The following MDFIC2 variants were observed in gnomAD, a reference collection of about 807,000 sequenced individuals.
MDFIC2 encodes the protein myoD family inhibitor domain-containing protein 2.
At chr3:70,310,684 T>C (rs1702446344) in intron 2 of MDFIC2, among the ~76,000 whole-genome samples, 2 of 152,066 alleles carry the variant, frequency 1.3e-5, no homozygotes, top group Admixed American at 1.3e-4. Context: ...ATTTTTAAAT[T>C]AGGGTTGGGG....
intron 2 of MDFIC2, among the ~76,000 whole-genome samples, chr3:70,235,377 C>G (rs12494365): frequency 0.027 from 4,092 of 152,280 alleles, 72 homozygotes; most frequent in Middle Eastern, 0.065. Context: ...TTTCATCACC[C>G]ACTCACTCCT....
intron 3 of MDFIC2, among the ~76,000 whole-genome samples, chr3:70,199,866 T>C (rs1285598748): frequency 1.3e-5 from 2 of 152,208 alleles, no homozygotes; most frequent in African/African-American, 2.4e-5. Flanking sequence ...ATATATGCTA[T>C]TGCCTGCTGC....
intron 2 of MDFIC2, among the ~76,000 whole-genome samples, chr3:70,234,207 T>C (rs1372792564): frequency 6.6e-6 from 1 of 152,214 alleles, no homozygotes; most frequent in Non-Finnish European, 1.5e-5. Flanking sequence ...TTTTCAAGTA[T>C]TCTAGACACT....
intron 2 of MDFIC2, among the ~76,000 whole-genome samples, chr3:70,237,201 C>G (rs1166344292): frequency 6.6e-6 from 1 of 152,140 alleles, no homozygotes; most frequent in Non-Finnish European, 1.5e-5. Context: ...CTATATTTTT[C>G]CCTTTGTTAG....
chr3:70,254,199 T>C (rs1389902040), intron 2 of MDFIC2, among the ~76,000 whole-genome samples: 1 of 152,152 alleles, frequency 6.6e-6, no homozygotes, highest in African/African-American at 2.4e-5. Context: ...TTAGTGTCAA[T>C]TGCATGATTT....
rs533419032 is a variant in MDFIC2 at position 70,309,767 on chromosome 3, C to A, written c.88+2119G>T. ...TGTCATCTAGCATCTGGCTCAATTTCCTTTTATGAAATATAGTAAACATAA... is the reference window on the plus strand; with the variant it reads ...TGTCATCTAGCATCTGGCTCAATTTACTTTTATGAAATATAGTAAACATAA... On this transcript the variant is annotated intron_variant, in intron 2 of 3. Transcript: ENST00000567252. Among the ~76,000 whole-genome samples the A allele has an allele frequency of 2.0e-5, 3 of 152,220 alleles. No homozygotes were observed. The South Asian group carries it at 6.2e-4, about 32-fold the overall frequency.
At chr3:70,210,607 AG>A in intron 2 of MDFIC2, among the ~76,000 whole-genome samples, 1 of 152,284 alleles carries the variant, frequency 6.6e-6, no homozygotes, top group Non-Finnish European at 1.5e-5. Context: ...AAACATAAAA[AG>A]TAGTGTCATA....
chr3:70,249,312 T>C (rs192354678), intron 2 of MDFIC2: 88 of 152,256 alleles, frequency 5.8e-4, no homozygotes, highest in African/African-American at 2.0e-3. Flanking sequence ...CTGATGGAAG[T>C]TATAATGTGA....
intron 2 of MDFIC2, among the ~76,000 whole-genome samples, chr3:70,222,814 A>G (rs954798553): frequency 3.9e-5 from 6 of 152,166 alleles, no homozygotes; most frequent in Non-Finnish European, 4.4e-5. Context: ...TCCCTAAGAT[A>G]GCTCCATAAG....
At chr3:70,231,544 CTTG>C (rs1469677455) in intron 2 of MDFIC2, among the ~76,000 whole-genome samples, 9 of 152,168 alleles carry the variant, frequency 5.9e-5, no homozygotes, top group Non-Finnish European at 1.3e-4. Context: ...GTCTGAATGA[CTTG>C]TTAGTTGTGC....
At chr3:70,223,012 T>C (rs979078222) in intron 2 of MDFIC2, among the ~76,000 whole-genome samples, 2 of 152,176 alleles carry the variant, frequency 1.3e-5, no homozygotes, top group African/African-American at 4.8e-5. Flanking sequence ...GAATGTCTGA[T>C]TCTGTGAGTA....
At chr3:70,284,437 T>G (rs1450996903) in intron 2 of MDFIC2, among the ~76,000 whole-genome samples, 1 of 152,100 alleles carries the variant, frequency 6.6e-6, no homozygotes, top group African/African-American at 2.4e-5. Context: ...ACCTCTCACT[T>G]TGAAGAATGA....
At chr3:70,225,361 C>T (rs558411517) in intron 2 of MDFIC2, among the ~76,000 whole-genome samples, 35 of 152,214 alleles carry the variant, frequency 2.3e-4, no homozygotes, top group Non-Finnish European at 4.0e-4. Flanking sequence ...AGAGTTCTGC[C>T]GTTCAAGTCG....
At chr3:70,258,823 C>T (rs1298956211) in intron 2 of MDFIC2, among the ~76,000 whole-genome samples, 1 of 151,974 alleles carries the variant, frequency 6.6e-6, no homozygotes, top group Non-Finnish European at 1.5e-5. Flanking sequence ...GAAGGAGGCA[C>T]ACAAAAACGC....
At chr3:70,261,372 T>C in intron 2 of MDFIC2, among the ~76,000 whole-genome samples, 1 of 152,220 alleles carries the variant, frequency 6.6e-6, no homozygotes, top group East Asian at 1.9e-4. Flanking sequence ...GATGTGAACA[T>C]GCATATGTTT....
intron 2 of MDFIC2, among the ~76,000 whole-genome samples, chr3:70,272,812 C>T (rs558988404): frequency 6.6e-6 from 1 of 152,078 alleles, no homozygotes; most frequent in East Asian, 1.9e-4. Context: ...GCTTGTTTCA[C>T]GAAGTTAGAA....
At chr3:70,244,917 C>T (rs1421811570) in intron 2 of MDFIC2, among the ~76,000 whole-genome samples, 2 of 152,108 alleles carry the variant, frequency 1.3e-5, no homozygotes, top group Non-Finnish European at 2.9e-5. Context: ...AAATAGTCTT[C>T]AGGACTATAA....
In MDFIC2 at chr3:70,286,896, T is replaced by C. The variant is rs1300332043; in HGVS notation, c.88+24990A>G. Reference sequence around the variant, plus strand: ...TGTATAAGAATGCTTGTGATTTTTGTACATTGATTTTGTATCCTGAGACTT... The same window carrying C: ...TGTATAAGAATGCTTGTGATTTTTGCACATTGATTTTGTATCCTGAGACTT... On this transcript the variant is annotated intron_variant, in intron 2 of 3. Coordinates refer to ENST00000567252, the MANE Select transcript of MDFIC2 (RefSeq NM_001364677.1). Among the ~76,000 whole-genome samples, 9 of 152,018 alleles carry C rather than the reference T, an allele frequency of 5.9e-5. No individual in the cohort carries two copies. In the East Asian group the frequency reaches 1.7e-3, roughly 29 times the overall value.
intron 2 of MDFIC2, among the ~76,000 whole-genome samples, chr3:70,308,494 A>G (rs957699775): frequency 1.3e-5 from 2 of 152,122 alleles, no homozygotes; most frequent in African/African-American, 4.8e-5. Context: ...AATTTTTTGT[A>G]ACAGCTCTGG....
Sources: gnomAD v4.1 joint callset for allele counts (sites outside exome capture counted in the v4.1 genomes callset) on GRCh38, gnomAD v4.1.1 for gene constraint, MANE v1.5 for transcripts, NCBI Gene and HGNC (gene_info 2026-07-23, HGNC 2026-07-21) for gene names.